DPP6: variants seen among roughly 807,000 people sequenced by gnomAD.
DPP6 encodes A-type potassium channel modulatory protein DPP6.
Under a neutral mutation model 122.6 loss-of-function variants are expected in DPP6, and 69 were observed. That is an observed-to-expected ratio of 0.56 (90% CI 0.46 to 0.69). The LOEUF is 0.69. DPP6 is among the 30% of genes least tolerant of loss of function. The pLI is 0.00. For synonymous variants in DPP6, 418 were observed against 433.1 expected, an observed-to-expected ratio of 0.97 and a Z score of 0.43; for missense variants, 928 against 1,116.9, an observed-to-expected ratio of 0.83 and a Z score of 2.41.
chr7:154,509,241 G>A (rs910786909), intron 3 of DPP6, among the ~76,000 whole-genome samples: 5 of 152,064 alleles, frequency 3.3e-5, no homozygotes, highest in Non-Finnish European at 4.4e-5. Flanking sequence ...ACCTGTTGAG[G>A]AACTTATATC....
At chr7:154,447,485 A>C (rs1036974595) in intron 2 of DPP6, among the ~76,000 whole-genome samples, 6 of 152,182 alleles carry the variant, frequency 3.9e-5, no homozygotes, top group Non-Finnish European at 5.9e-5. Context: ...GAAAAAAAGT[A>C]GATATTATAA....
the DPP6 span, among the ~76,000 whole-genome samples, chr7:153,827,206 AAGTT>A: frequency 6.6e-6 from 1 of 152,264 alleles, no homozygotes; most frequent in Non-Finnish European, 1.5e-5. Context: ...ACTGAAGTTT[AAGTT>A]ATGCCAAGCT....
At chr7:154,727,242 A>G (rs571571743) in intron 7 of DPP6, among the ~76,000 whole-genome samples, 52 of 152,328 alleles carry the variant, frequency 3.4e-4, no homozygotes, top group African/African-American at 1.1e-3. Flanking sequence ...GAAACTTTCA[A>G]TCATGGTGGA....
At chr7:154,067,303 G>T in intron 1 of DPP6, among the ~76,000 whole-genome samples, 1 of 136,374 alleles carries the variant, frequency 7.3e-6, no homozygotes. Flanking sequence ...GAGCCCATGG[G>T]AGCGAGAGGA....
At chr7:154,201,985 T>C (rs1366006457) in intron 1 of DPP6, among the ~76,000 whole-genome samples, 1 of 152,204 alleles carries the variant, frequency 6.6e-6, no homozygotes, top group Non-Finnish European at 1.5e-5. Flanking sequence ...CTCAAACACT[T>C]ACCAGTTTTT....
intron 1 of DPP6, among the ~76,000 whole-genome samples, chr7:154,349,712 A>C (rs996783015): frequency 5.3e-5 from 8 of 152,112 alleles, no homozygotes; most frequent in African/African-American, 1.9e-4. Context: ...ACGCCGTGTC[A>C]GCTAGAGTAA....
chr7:153,931,168 A>G (rs1801153610), intron 1 of DPP6, among the ~76,000 whole-genome samples: 1 of 152,208 alleles, frequency 6.6e-6, no homozygotes, highest in Admixed American at 6.5e-5. Flanking sequence ...TTCCCATAGA[A>G]TTAAAAACCC....
chr7:154,483,578 G>C lies in DPP6; in HGVS notation c.457+8541G>C, dbSNP rs2151374942. Among the ~76,000 whole-genome samples the C allele has an allele frequency of 6.6e-6, 1 of 152,328 alleles. No homozygotes were observed. The highest frequency in any genetic ancestry group is 1.5e-5 in the Non-Finnish European group (1 of 68,026). ...TTGCCTTATTTGGTCAATCCTGTTG[G>C]AAAGTTCTTAGTTACAGAAGTTAGT... On this transcript the variant is annotated intron_variant, in intron 3 of 25. Coordinates refer to ENST00000377770, the MANE Select transcript of DPP6 (RefSeq NM_130797.4). This position sits in a 1 kb window ranked among gnomAD's most constrained non-coding sequence, Gnocchi z 8.1.
chr7:153,891,215 G>A (rs1799186687), intron 1 of DPP6, among the ~76,000 whole-genome samples: 1 of 149,106 alleles, frequency 6.7e-6, no homozygotes, highest in Admixed American at 6.8e-5. Flanking sequence ...GTAGAGACGG[G>A]GTTTCGCCAT....
intron 1 of DPP6, among the ~76,000 whole-genome samples, chr7:154,290,289 C>T (rs1468605039): frequency 6.6e-6 from 1 of 152,220 alleles, no homozygotes; most frequent in African/African-American, 2.4e-5. Context: ...TTATTCATCT[C>T]TAATGTTTTA....
rs77913002 is a variant in DPP6 at position 154,616,795 on chromosome 7, C to T, written c.628-21026C>T. On this transcript the variant is annotated intron_variant, in intron 5 of 25. Transcript: ENST00000377770. ...ATTCGCCTCCAGGGAACCACAGTGA[C>T]GGGAAACATGCTGGAATGTTAAACG... Among the ~76,000 whole-genome samples, 332 of 152,260 alleles carry T rather than the reference C, an allele frequency of 2.2e-3. 2 individuals are homozygous for T. Among genetic ancestry groups the T allele is most frequent in the African/African-American group, 7.7e-3 (319 of 41,550 alleles).
At chr7:154,700,524 G>A (rs1840458447) in intron 7 of DPP6, among the ~76,000 whole-genome samples, 1 of 152,228 alleles carries the variant, frequency 6.6e-6, no homozygotes, top group African/African-American at 2.4e-5. Flanking sequence ...TGAGAAGAAT[G>A]ATGCTTCAGG....
intron 1 of DPP6, chr7:154,092,613 C>G (rs1206970604): frequency 2.0e-5 from 3 of 151,856 alleles, no homozygotes; most frequent in African/African-American, 7.2e-5. Context: ...TTTGTCCTTG[C>G]CATGCATCCT....
intron 1 of DPP6, among the ~76,000 whole-genome samples, chr7:154,420,060 G>A (rs73497208): frequency 0.055 from 8,390 of 152,260 alleles, 368 homozygotes; most frequent in East Asian, 0.17. Context: ...GGAGAAGGCC[G>A]GCACGGTGGC....
At chr7:154,128,405 T>C (rs1483509379) in intron 1 of DPP6, among the ~76,000 whole-genome samples, 1 of 152,194 alleles carries the variant, frequency 6.6e-6, no homozygotes, top group African/African-American at 2.4e-5. Context: ...TGAGACTGTC[T>C]ATTTTTCTTT....
intron 1 of DPP6, among the ~76,000 whole-genome samples, chr7:154,075,238 C>T (rs1037278300): frequency 5.9e-5 from 9 of 151,828 alleles, no homozygotes; most frequent in Non-Finnish European, 1.0e-4. Flanking sequence ...CTATGGAAAA[C>T]AGTGTGGAGA....
intron 1 of DPP6, among the ~76,000 whole-genome samples, chr7:154,151,470 A>G (rs1024533019): frequency 7.2e-5 from 11 of 152,210 alleles, no homozygotes; most frequent in African/African-American, 2.7e-4. Context: ...CACGGTTCAC[A>G]CAGGCAATGC....
At chr7:154,500,721 T>A (rs1825165881) in intron 3 of DPP6, among the ~76,000 whole-genome samples, 1 of 152,156 alleles carries the variant, frequency 6.6e-6, no homozygotes, top group African/African-American at 2.4e-5. Context: ...AACTGCGCAG[T>A]CTTGGGTATG....
chr7:154,454,706 C>T (rs1441032785), intron 2 of DPP6, among the ~76,000 whole-genome samples: 1 of 152,078 alleles, frequency 6.6e-6, no homozygotes, highest in African/African-American at 2.4e-5. Context: ...CTTCTCATAC[C>T]GTTTACACCA....
Sources: gnomAD v4.1 joint callset for allele counts (sites outside exome capture counted in the v4.1 genomes callset) on GRCh38, gnomAD v4.1.1 for gene constraint, Gnocchi (gnomAD v3.1) non-coding constraint, MANE v1.5 for transcripts, NCBI Gene and HGNC (gene_info 2026-07-23, HGNC 2026-07-21) for gene names.